The following OIP5 variants were observed in gnomAD, a reference collection of about 807,000 sequenced individuals.
The protein encoded by OIP5 is Opa interacting protein 5, also known as protein Mis18-beta.
Under a neutral mutation model 20.3 loss-of-function variants are expected in OIP5, and 24 were observed. That is an observed-to-expected ratio of 1.18 (90% CI 0.86 to 1.66). The LOEUF (loss-of-function observed/expected upper bound fraction) is 1.66, where lower values mean the gene tolerates loss of function less well. OIP5 is among the 40% of genes most tolerant of loss of function. The pLI is 0.00. For missense variants in OIP5, 339 were observed against 289.5 expected (o/e 1.17, Z -1.24); for synonymous variants, 143 against 121.3 (o/e 1.18, Z -1.17).
intron 2 of OIP5, among the ~76,000 whole-genome samples, chr15:41,320,486 G>A (rs909734597): frequency 6.6e-6 from 1 of 152,188 alleles, no homozygotes; most frequent in Non-Finnish European, 1.5e-5. Flanking sequence ...CGCTGTGTTG[G>A]CTGGGCTGGT....
At chr15:41,332,190 C>G (rs2047932450) in intron 1 of OIP5, 50 bp downstream of exon 1, 1 of 1,514,030 alleles carries the variant, frequency 6.6e-7, no homozygotes, top group African/African-American at 1.4e-5. Flanking sequence ...AAAGCGGGAA[C>G]ACCCTCTCGG....
At chr15:41,329,158 C>T (rs897668268) in intron 2 of OIP5, among the ~76,000 whole-genome samples, 9 of 151,394 alleles carry the variant, frequency 5.9e-5, no homozygotes, top group African/African-American at 2.2e-4. Flanking sequence ...ATTAATCATC[C>T]TCTTAATTCA....
intron 3 of OIP5, among the ~76,000 whole-genome samples, chr15:41,319,158 C>T (rs1251144634): frequency 1.3e-5 from 2 of 151,750 alleles, no homozygotes; most frequent in African/African-American, 4.8e-5. Context: ...GTGCAACCTC[C>T]ACCTCTCAGG....
In OIP5 at chr15:41,319,753, A is replaced by G. The variant is rs541705408; in HGVS notation, c.417T>C (p.Ser139=). ...GSTYNLLFCG[S]CGIPVGFHLY... ...GATGGAAACCAACGGGAATCCCACA[A>G]GAACCACAGAATAAAAGGTTGTAAG... Residue 139 remains serine, a synonymous_variant, in exon 3 of 5, where the codon TCT becomes TCC. Coordinates refer to ENST00000220514, the MANE Select transcript of OIP5 (RefSeq NM_007280.2). 632 of 1,613,614 alleles carry G rather than the reference A, an allele frequency of 3.9e-4. 9 individuals are homozygous for G. In the South Asian group the frequency reaches 6.7e-3, roughly 17 times the overall value.
intron 2 of OIP5, among the ~76,000 whole-genome samples, chr15:41,329,402 G>C (rs1330424601): frequency 6.9e-6 from 1 of 144,860 alleles, no homozygotes; most frequent in Non-Finnish European, 1.5e-5. Flanking sequence ...TGCAACCTCT[G>C]CTTCCCAGGT....
In OIP5 at chr15:41,323,164, C is replaced by T. The variant is rs542952495; in HGVS notation, c.390-3384G>A. ...GGAATTAATTAATTCAGACAAAGCA[C>T]AGTACTTATAAACAAATGTCTCAGT... On this transcript the variant is annotated intron_variant, in intron 2 of 4. Transcript: ENST00000220514. 7.9e-5 allele frequency among the ~76,000 whole-genome samples: 12 copies of T among 152,156 alleles called. No individual in the cohort carries two copies. In the East Asian group the frequency reaches 2.3e-3, roughly 29 times the overall value.
Position 41,332,482 on chromosome 15 carries a change from G to A in OIP5, c.80C>T (p.Ala27Val), listed in dbSNP as rs1455618404. 2 of 1,614,022 alleles carry A rather than the reference G, an allele frequency of 1.2e-6. No homozygotes were observed. Among genetic ancestry groups the A allele is most frequent in the Admixed American group, 1.7e-5 (1 of 60,010 alleles). The change falls in exon 1 of 5, where the codon GCG becomes GTG. Residue 27 changes from alanine (A) to valine (V), a missense_variant. Coordinates refer to ENST00000220514, the MANE Select transcript of OIP5 (RefSeq NM_007280.2). ...RGDFCGGTER[A>V]IDQASFTTSM... ...GGTCGTAAAAGAAGCTTGGTCAATC[G>A]CCCTCTCAGTGCCACCACAAAAGTC...
At chr15:41,327,412 C>G (rs1038738349) in intron 2 of OIP5, among the ~76,000 whole-genome samples, 1 of 151,856 alleles carries the variant, frequency 6.6e-6, no homozygotes, top group African/African-American at 2.4e-5. Context: ...CTCCTGACCT[C>G]GTGATCCTCC....
At chr15:41,317,273 A>G (rs1421628260) in intron 3 of OIP5, among the ~76,000 whole-genome samples, 2 of 152,036 alleles carry the variant, frequency 1.3e-5, no homozygotes, top group African/African-American at 2.4e-5. Flanking sequence ...TTCACTTCCA[A>G]ACTTCAACAC....
chr15:41,323,589 G>T (rs996764736), intron 2 of OIP5, among the ~76,000 whole-genome samples: 1 of 151,934 alleles, frequency 6.6e-6, no homozygotes, highest in Non-Finnish European at 1.5e-5. Context: ...TCCCACCTCA[G>T]CCTTCCAAGT....
chr15:41,326,533 C>T (rs150188169), intron 2 of OIP5, among the ~76,000 whole-genome samples: 120 of 152,292 alleles, frequency 7.9e-4, no homozygotes, highest in Non-Finnish European at 1.6e-3. Flanking sequence ...AAGTGATTCT[C>T]CTGACTCGGC....
chr15:41,328,174 G>T (rs1364036504), intron 2 of OIP5, among the ~76,000 whole-genome samples: 1 of 152,214 alleles, frequency 6.6e-6, no homozygotes, highest in Non-Finnish European at 1.5e-5. Context: ...TCAAAACATT[G>T]TGGAGGATAG....
chr15:41,322,928 T>TC (rs1401632712), intron 2 of OIP5, among the ~76,000 whole-genome samples: 2 of 149,932 alleles, frequency 1.3e-5, no homozygotes, highest in Non-Finnish European at 3.0e-5. Context: ...AGAGCGAAAC[T>TC]CCATCTTAAA....
intron 4 of OIP5, 48 bp from the exon 5 acceptor site, chr15:41,309,897 CTTATT>C (rs1372410040): frequency 1.5e-6 from 2 of 1,368,040 alleles, no homozygotes; most frequent in South Asian, 1.2e-5. Flanking sequence ...TTTATTTTTA[CTTATT>C]TTAAGAGACA....
intron 4 of OIP5, among the ~76,000 whole-genome samples, 175 bp downstream of exon 4, chr15:41,313,098 C>A (rs1009509691): frequency 4.6e-5 from 7 of 152,152 alleles, no homozygotes; most frequent in African/African-American, 1.7e-4. Flanking sequence ...CTGAACTATA[C>A]CTTACAGTGT....
At position 41,332,474 on chromosome 15, in the gene OIP5, G is replaced by T; in HGVS notation, c.88C>A (p.Gln30Lys). 2 of 1,614,076 alleles carry T rather than the reference G, an allele frequency of 1.2e-6. No individual in the cohort carries two copies. The highest frequency in any genetic ancestry group is 8.5e-7 in the Non-Finnish European group (1 of 1,179,944). Residue 30 changes from glutamine to lysine, a missense_variant, in exon 1 of 5, where the codon CAA becomes AAA. Gln to Lys is a moderately conservative substitution (Grantham distance 53). Coordinates refer to ENST00000220514, the MANE Select transcript of OIP5 (RefSeq NM_007280.2). The stretch of plus-strand genomic sequence containing the variant: ...TCCATGGAGGTCGTAAAAGAAGCTT[G>T]GTCAATCGCCCTCTCAGTGCCACCA... ...FCGGTERAID[Q>K]ASFTTSMEWD...
chr15:41,323,739 G>A (rs1184294725), intron 2 of OIP5, among the ~76,000 whole-genome samples: 2 of 151,992 alleles, frequency 1.3e-5, no homozygotes, highest in Admixed American at 6.6e-5. Flanking sequence ...CCAAAGTGCT[G>A]GGATTACACA....
At chr15:41,312,761 T>G (rs1475781285) in intron 4 of OIP5, among the ~76,000 whole-genome samples, 1 of 152,008 alleles carries the variant, frequency 6.6e-6, no homozygotes, top group Non-Finnish European at 1.5e-5. Flanking sequence ...CCCGAGTAGC[T>G]GGGACTACAG....
intron 2 of OIP5, among the ~76,000 whole-genome samples, chr15:41,328,060 G>C (rs1243144739): frequency 6.6e-6 from 1 of 152,096 alleles, no homozygotes. Flanking sequence ...CTGGGTAAAA[G>C]AGCCAGACTC....
Sources: gnomAD v4.1 joint callset for allele counts (sites outside exome capture counted in the v4.1 genomes callset) on GRCh38, gnomAD v4.1.1 for gene constraint, MANE v1.5 for transcripts, NCBI Gene and HGNC (gene_info 2026-07-23, HGNC 2026-07-21) for gene names.